SYT10: variants seen among roughly 807,000 people sequenced by gnomAD.
The protein encoded by SYT10 is synaptotagmin 10.
In SYT10, 31 loss-of-function variants were observed where a neutral mutation model predicts 51.1. That is an observed-to-expected ratio of 0.61 (90% CI 0.46 to 0.82). The LOEUF (loss-of-function observed/expected upper bound fraction) is 0.82, where lower values mean the gene tolerates loss of function less well. SYT10 is among the 40% of genes least tolerant of loss of function. The pLI, the probability that SYT10 is intolerant of heterozygous loss-of-function variation, is 0.00. For synonymous variants in SYT10, 233 were observed against 225.9 expected (o/e 1.03, Z -0.28); for missense variants, 603 against 634.0 (o/e 0.95, Z 0.53).
intron 1 of SYT10, chr12:33,433,002 T>A (rs1214464919): frequency 9.2e-5 from 14 of 152,116 alleles, no homozygotes; most frequent in Admixed American, 9.2e-4. Flanking sequence ...CAATAGTCTA[T>A]GTGAGGCATG....
At chr12:33,420,096 C>T (rs1183469907) in intron 2 of SYT10, among the ~76,000 whole-genome samples, 1 of 152,154 alleles carries the variant, frequency 6.6e-6, no homozygotes, top group African/African-American at 2.4e-5. Flanking sequence ...GATAGCTCTA[C>T]AACCAGGTTC....
At chr12:33,433,281 A>G (rs1460054740) in intron 1 of SYT10, among the ~76,000 whole-genome samples, 4 of 151,062 alleles carry the variant, frequency 2.6e-5, no homozygotes, top group Admixed American at 2.6e-4. Flanking sequence ...TGAGTGGGTG[A>G]CTCTCAGCTC....
rs1474470140 is a variant in SYT10, at chr12:33,374,266, T to G, written c.*2564A>C. On this transcript the variant is annotated 3_prime_UTR_variant, in exon 7 of 7. Coordinates refer to ENST00000228567, the MANE Select transcript of SYT10 (RefSeq NM_198992.4). Reference sequence around the variant, plus strand: ...CTCTTTTTTTTCCTAGACTGATATTTGGTAAGTCCCTGAAGAAGTCCCTGA... The same window carrying G: ...CTCTTTTTTTTCCTAGACTGATATTGGGTAAGTCCCTGAAGAAGTCCCTGA... 1.3e-5 allele frequency: 2 copies of G among 151,944 alleles called. No homozygotes were observed. Among genetic ancestry groups the G allele is most frequent in the Middle Eastern group, 3.4e-3 (1 of 294 alleles). 9.4% of individuals were successfully genotyped at this position (151,944 alleles called of 1,614,324 possible).
chr12:33,381,693 G>A (rs1419080299), intron 5 of SYT10, among the ~76,000 whole-genome samples: 4 of 152,096 alleles, frequency 2.6e-5, no homozygotes, highest in African/African-American at 4.8e-5. Context: ...GAGAGTGGGA[G>A]GGCAAAGGTA....
intron 6 of SYT10, among the ~76,000 whole-genome samples, chr12:33,377,629 C>CTTTTT (rs375275079): frequency 1.8e-5 from 2 of 114,008 alleles, no homozygotes; most frequent in African/African-American, 3.9e-5. Flanking sequence ...TTTTCTTTTT[C>CTTTTT]TTTTTTTTTT....
At chr12:33,378,790 G>C (rs1480367973) in intron 6 of SYT10, among the ~76,000 whole-genome samples, 1 of 151,396 alleles carries the variant, frequency 6.6e-6, no homozygotes, top group African/African-American at 2.4e-5. Context: ...AAGTTCTAGG[G>C]GAAAACACCA....
intron 3 of SYT10, chr12:33,405,487 T>C (rs1293338713): frequency 6.6e-6 from 1 of 152,072 alleles, no homozygotes; most frequent in Admixed American, 6.5e-5. Flanking sequence ...AAAAATGTTA[T>C]AATGCTGGAA....
intron 2 of SYT10, among the ~76,000 whole-genome samples, chr12:33,425,363 T>C (rs114200138): frequency 0.011 from 1,631 of 152,228 alleles, 34 homozygotes; most frequent in African/African-American, 0.035. Flanking sequence ...ATGCCTCTAC[T>C]TAGCAGAAAA....
rs1866052424 is a variant in SYT10, at chr12:33,375,233, T to C, written c.*1597A>G. On this transcript the variant is annotated 3_prime_UTR_variant, in exon 7 of 7. Transcript: ENST00000228567. ...ACTGTGTTTGCCTTTAAAATGGTAA[T>C]GTGCAAAATATTTACCTCTTAATTA... The C allele has an allele frequency of 6.6e-6, 1 of 152,018 alleles. No homozygotes were observed. The highest frequency in any genetic ancestry group is 1.5e-5 in the Non-Finnish European group (1 of 67,936). 9.4% of individuals were successfully genotyped at this position (152,018 alleles called of 1,614,324 possible). A position where few individuals can be genotyped will look rare whatever the true frequency, so the allele number is the denominator to read the frequency against.
chr12:33,407,596 GTTTGT>G (rs1176937785), intron 2 of SYT10, among the ~76,000 whole-genome samples: 1 of 152,066 alleles, frequency 6.6e-6, no homozygotes, highest in South Asian at 2.1e-4. Flanking sequence ...CTTTTTGTTT[GTTTGT>G]TTTGTTTTGT....
intron 1 of SYT10, 126 bp from the exon 2 acceptor site, chr12:33,426,621 G>C (rs1866555839): frequency 3.4e-6 from 3 of 892,012 alleles, no homozygotes; most frequent in Non-Finnish European, 4.9e-6. Flanking sequence ...TCAATTTTAA[G>C]TTATCTTTGT....
chr12:33,415,255 T>C (rs527958580), intron 2 of SYT10, among the ~76,000 whole-genome samples: 71 of 152,304 alleles, frequency 4.7e-4, no homozygotes, highest in African/African-American at 1.4e-3. Flanking sequence ...TATATATGAC[T>C]TTCCCAATTA....
At chr12:33,401,970 T>C (rs759256857) in intron 3 of SYT10, among the ~76,000 whole-genome samples, 4 of 152,242 alleles carry the variant, frequency 2.6e-5, no homozygotes, top group Admixed American at 6.5e-5. Flanking sequence ...GCAGAATGTT[T>C]AAATAAGTGC....
At chr12:33,436,732 T>G (rs1225958978) in intron 1 of SYT10, among the ~76,000 whole-genome samples, 1 of 152,228 alleles carries the variant, frequency 6.6e-6, no homozygotes, top group Non-Finnish European at 1.5e-5. Context: ...TGGAATTACC[T>G]GAATTTCTCT....
chr12:33,411,970 A>G (rs59542885), intron 2 of SYT10, among the ~76,000 whole-genome samples: 116 of 152,282 alleles, frequency 7.6e-4, no homozygotes, highest in Middle Eastern at 3.4e-3. Context: ...TTGCATATTC[A>G]ATATTCTTAA....
At chr12:33,377,053 C>T in intron 6 of SYT10, 152 bp from the exon 7 acceptor site, 2 of 767,712 alleles carry the variant, frequency 2.6e-6, no homozygotes, top group Non-Finnish European at 2.1e-6. Context: ...TCAGAACTTA[C>T]CTTCTCTGCT....
intron 3 of SYT10, among the ~76,000 whole-genome samples, chr12:33,402,245 A>G (rs1369790241): frequency 6.6e-6 from 1 of 152,212 alleles, no homozygotes; most frequent in African/African-American, 2.4e-5. Flanking sequence ...ATTAAATATA[A>G]CATTCTGGTT....
intron 2 of SYT10, among the ~76,000 whole-genome samples, chr12:33,417,077 G>A (rs1866460489): frequency 6.6e-6 from 1 of 152,144 alleles, no homozygotes; most frequent in Admixed American, 6.5e-5. Context: ...AAACTGAGAA[G>A]AGGAAGAAGG....
rs1223374751 is a variant in SYT10 at position 33,376,812 on chromosome 12, G to C, written c.*18C>G. 5 of 1,613,492 alleles carry C rather than the reference G, an allele frequency of 3.1e-6. No individual in the cohort carries two copies. Among genetic ancestry groups the C allele is most frequent in the Non-Finnish European group, 4.2e-6 (5 of 1,179,642 alleles). On this transcript the variant is annotated 3_prime_UTR_variant, in exon 7 of 7. Coordinates refer to ENST00000228567, the MANE Select transcript of SYT10 (RefSeq NM_198992.4). Reference sequence around the variant, plus strand: ...CGTGATCCTAGATGCTTAATATCATGGTCTCATTTTGGAGGCATTATGGTG... The same window carrying C: ...CGTGATCCTAGATGCTTAATATCATCGTCTCATTTTGGAGGCATTATGGTG...
Sources: allele counts gnomAD v4.1 joint callset (sites outside exome capture counted in the v4.1 genomes callset), GRCh38; gene constraint gnomAD v4.1.1; transcripts MANE v1.5; gene names NCBI Gene and HGNC (gene_info 2026-07-23, HGNC 2026-07-21).